The following SHTN1 variants were observed in gnomAD, a reference collection of about 807,000 sequenced individuals.
The protein encoded by SHTN1 is shootin 1.
SHTN1 carries 42 observed loss-of-function variants against 83.1 expected under a neutral mutation model. The observed-to-expected ratio is 0.51, with a 90% CI of 0.39 to 0.65. The LOEUF is 0.65. Among genes scored for constraint, SHTN1 ranks in the 30% least tolerant of loss-of-function variants. The pLI is 0.00. For missense variants in SHTN1, 622 were observed against 737.8 expected (o/e 0.84, Z 1.82); for synonymous variants, 224 against 247.7 (o/e 0.90, Z 0.90).
intron 2 of SHTN1, among the ~76,000 whole-genome samples, chr10:117,025,311 A>G (rs1852315848): frequency 6.6e-6 from 1 of 152,152 alleles, no homozygotes; most frequent in South Asian, 2.1e-4. Context: ...ATCAAACCAA[A>G]CTCAGCTGAT....
intron 1 of SHTN1, among the ~76,000 whole-genome samples, chr10:116,992,058 T>C (rs1390907233): frequency 6.6e-6 from 1 of 151,906 alleles, no homozygotes; most frequent in Non-Finnish European, 1.5e-5. Flanking sequence ...GGGAGGATGG[T>C]TGGAGCTCAA....
intron 2 of SHTN1, among the ~76,000 whole-genome samples, chr10:117,030,185 C>A (rs1852392632): frequency 6.6e-6 from 1 of 152,144 alleles, no homozygotes; most frequent in East Asian, 1.9e-4. Context: ...CCATGCCCGA[C>A]CCTTTTCTTT....
At chr10:116,989,591 A>G (rs1212115142) in intron 1 of SHTN1, among the ~76,000 whole-genome samples, 1 of 152,188 alleles carries the variant, frequency 6.6e-6, no homozygotes, top group African/African-American at 2.4e-5. Context: ...TTTACAATCC[A>G]TATCAGCTCA....
intron 12 of SHTN1, among the ~76,000 whole-genome samples, chr10:116,919,501 T>G (rs1848482459): frequency 6.6e-6 from 1 of 152,204 alleles, no homozygotes; most frequent in Admixed American, 6.5e-5. Context: ...GTATAGGTCC[T>G]AAAACCGGGG....
chr10:117,005,838 C>T (rs115732762), upstream of SHTN1, among the ~76,000 whole-genome samples: 611 of 152,364 alleles, frequency 4.0e-3, 4 homozygotes, highest in African/African-American at 0.014. Flanking sequence ...GATGGTGGGG[C>T]CTGGAGGGCC....
chr10:117,079,142 G>A (rs974895261), intron 1 of SHTN1, among the ~76,000 whole-genome samples: 62 of 150,560 alleles, frequency 4.1e-4, no homozygotes, highest in African/African-American at 1.3e-3. Context: ...CCACTAACTC[G>A]TCATCTAGCA....
intron 2 of SHTN1, among the ~76,000 whole-genome samples, chr10:117,035,158 T>G (rs1419312908): frequency 6.6e-6 from 1 of 152,124 alleles, no homozygotes. Context: ...TGGTACAGGA[T>G]AGAGAACCCA....
rs374905540 is a variant in SHTN1 at position 116,957,256 on chromosome 10, CT to C, written c.267+2879del. On this transcript the variant is annotated intron_variant, in intron 4 of 16. Coordinates refer to ENST00000355371, the MANE Select transcript of SHTN1 (RefSeq NM_001127211.3). ...TCTAAGGCAAAAATATATCTTTTTACTTTTTTTTTTTTTTTTTTGAGATGGA... is the reference window on the plus strand; with the variant it reads ...TCTAAGGCAAAAATATATCTTTTTACTTTTTTTTTTTTTTTTTGAGATGGA... 3.0e-3 allele frequency among the ~76,000 whole-genome samples: 412 copies of C among 135,138 alleles called. 2 individuals carry two copies. Among genetic ancestry groups the C allele is most frequent in the Middle Eastern group, 7.8e-3 (2 of 258 alleles). 88.7% of individuals were successfully genotyped at this position (135,138 alleles called of 152,430 possible).
chr10:116,989,078 A>C (rs139594611), intron 1 of SHTN1, among the ~76,000 whole-genome samples: 177 of 152,268 alleles, frequency 1.2e-3, no homozygotes, highest in African/African-American at 3.9e-3. Context: ...TTAAAAAAAA[A>C]CAGTATTTTT....
intron 1 of SHTN1, among the ~76,000 whole-genome samples, chr10:117,075,149 C>T (rs898964180): frequency 1.3e-5 from 2 of 152,116 alleles, no homozygotes; most frequent in Admixed American, 6.6e-5. Context: ...TCTAGATCTC[C>T]TTTCCCCAGA....
At chr10:116,910,029 A>G (rs1848128377) in intron 14 of SHTN1, among the ~76,000 whole-genome samples, 1 of 152,168 alleles carries the variant, frequency 6.6e-6, no homozygotes, top group Non-Finnish European at 1.5e-5. Context: ...TAATCCTAAC[A>G]GTCTGAACTC....
intron 1 of SHTN1, among the ~76,000 whole-genome samples, chr10:117,050,949 T>G (rs996767942): frequency 1.3e-5 from 2 of 152,092 alleles, no homozygotes; most frequent in Non-Finnish European, 2.9e-5. Context: ...TCCTAGCTAC[T>G]GAGGAAGCTA....
At chr10:117,058,567 G>A (rs903179682) in intron 1 of SHTN1, among the ~76,000 whole-genome samples, 2 of 152,018 alleles carry the variant, frequency 1.3e-5, no homozygotes, top group Non-Finnish European at 2.9e-5. Context: ...GAACCCTTAC[G>A]CACTGCTTGT....
intron 11 of SHTN1, among the ~76,000 whole-genome samples, chr10:116,922,600 T>C (rs1182419167): frequency 1.3e-5 from 2 of 152,152 alleles, no homozygotes; most frequent in African/African-American, 2.4e-5. Flanking sequence ...TCTGAGACCT[T>C]CATAAAGTGA....
chr10:116,884,118 A>G lies in SHTN1; in HGVS notation c.*2226T>C. 2 of 422,550 alleles carry G rather than the reference A, an allele frequency of 4.7e-6. No individual in the cohort carries two copies. The highest frequency in any genetic ancestry group is 3.3e-5 in the South Asian group (2 of 60,100). The allele number at this position is 422,550 out of a possible 1,614,324, so 26.2% of individuals were successfully genotyped here. ...ACCTTTTAGAGAAATCAAAAACATA[A>G]AGATGCAGTCTTTTCCAACTTAAAA... On this transcript the variant is annotated 3_prime_UTR_variant, in exon 17 of 17. Transcript: ENST00000355371.
At chr10:117,069,213 AT>A (rs1283843264) in intron 1 of SHTN1, among the ~76,000 whole-genome samples, 1 of 152,196 alleles carries the variant, frequency 6.6e-6, no homozygotes, top group African/African-American at 2.4e-5. Flanking sequence ...ATATAGAGAA[AT>A]CAAGTAAAAG....
Position 117,076,153 on chromosome 10 carries a change from A to G in SHTN1, c.-188-27643T>C, listed in dbSNP as rs1853149735. 3.4e-5 allele frequency among the ~76,000 whole-genome samples: 5 copies of G among 147,690 alleles called. No individual in the cohort carries two copies. In the South Asian group the frequency reaches 8.7e-4, roughly 26 times the overall value. ...AGCTGAGATTGTTCCACTGCACTCC[A>G]GCCTGCGCGACAAAGCAAGACCCTG... On this transcript the variant is annotated intron_variant, in intron 1 of 17. Coordinates refer to the SHTN1 transcript ENST00000392901.
Position 116,968,698 on chromosome 10 carries a change from C to A in SHTN1, c.126G>T (p.Arg42Ser). The change falls in exon 3 of 17, where the codon AGG (arginine) becomes AGT (serine). Residue 42 changes from arginine (R) to serine (S), a missense_variant. Coordinates refer to ENST00000355371, the MANE Select transcript of SHTN1 (RefSeq NM_001127211.3). Reference protein sequence around the residue: ...QKTKEKCDKIRQERDEAVKKL... With the variant: ...QKTKEKCDKISQERDEAVKKL... ...TTTTAACGGCTTCATCTCGTTCTTG[C>A]CTAATTTTGTCACACTGAAATGAGA... The A allele has an allele frequency of 6.2e-7, 1 of 1,611,970 alleles. No individual in the cohort carries two copies.
intron 11 of SHTN1, among the ~76,000 whole-genome samples, chr10:116,921,896 G>C (rs1159296986): frequency 6.6e-6 from 1 of 152,250 alleles, no homozygotes; most frequent in Middle Eastern, 3.4e-3. Context: ...AAAAGTGTAT[G>C]TTATCAGTAA....
Sources: allele counts gnomAD v4.1 joint callset (sites outside exome capture counted in the v4.1 genomes callset), GRCh38; gene constraint gnomAD v4.1.1; transcripts MANE v1.5; gene names NCBI Gene and HGNC (gene_info 2026-07-23, HGNC 2026-07-21).